DOCK10: variants seen among roughly 807,000 people sequenced by gnomAD.
The protein encoded by DOCK10 is dedicator of cytokinesis 10, also known as dedicator of cytokinesis protein 10.
DOCK10 carries 145 observed loss-of-function variants against 280.1 expected under a neutral mutation model. The observed-to-expected ratio is 0.52, with a 90% CI of 0.45 to 0.59. The LOEUF is 0.59. DOCK10 is among the 20% of genes least tolerant of loss of function. DOCK10 has a pLI of 0.00. For synonymous variants in DOCK10, 915 were observed against 942.2 expected (o/e 0.97, Z 0.53); for missense variants, 2,368 against 2,651.7 (o/e 0.89, Z 2.35).
intron 11 of DOCK10, among the ~76,000 whole-genome samples, chr2:224,872,441 C>T (rs1365168529): frequency 6.6e-6 from 1 of 152,178 alleles, no homozygotes. Flanking sequence ...GTTGGAGAGC[C>T]AGGCAATCTG....
chr2:224,886,481 T>C lies in DOCK10; in HGVS notation c.467A>G (p.His156Arg). ...KLPSHSFEID[H>R]EDADKDEDTT... The stretch of plus-strand genomic sequence containing the variant: ...TACTTCATCCTTATCAGCATCTTCA[T>C]GGTCAATCTCAAAGGAATGTGAAGG... Residue 156 changes from histidine to arginine, a missense_variant, in exon 5 of 56, where the codon CAT (histidine) becomes CGT (arginine). Coordinates refer to ENST00000258390, the MANE Select transcript of DOCK10 (RefSeq NM_014689.3). 4 of 1,611,308 alleles carry C rather than the reference T, an allele frequency of 2.5e-6. No homozygotes were observed. Among genetic ancestry groups the C allele is most frequent in the Non-Finnish European group, 3.4e-6 (4 of 1,179,206 alleles).
At chr2:224,984,128 ATC>A (rs1705892123) in intron 1 of DOCK10, among the ~76,000 whole-genome samples, 1 of 151,404 alleles carries the variant, frequency 6.6e-6, no homozygotes, top group African/African-American at 2.4e-5. Context: ...CCCAGGACAT[ATC>A]TCTCTCCAAT....
chr2:224,781,945 C>A (rs1173875354), intron 50 of DOCK10, among the ~76,000 whole-genome samples: 2 of 152,018 alleles, frequency 1.3e-5, no homozygotes, highest in African/African-American at 4.8e-5. Context: ...TTATTAGACT[C>A]ATTCAAAGTT....
chr2:225,024,814 C>T (rs1689876694), intron 1 of DOCK10, among the ~76,000 whole-genome samples: 1 of 151,816 alleles, frequency 6.6e-6, no homozygotes, highest in Non-Finnish European at 1.5e-5. Context: ...TTGCTTTAAC[C>T]AGGGAGGTGG....
intron 1 of DOCK10, among the ~76,000 whole-genome samples, chr2:224,949,021 C>A (rs758079716): frequency 5.9e-5 from 9 of 152,174 alleles, no homozygotes; most frequent in Non-Finnish European, 1.0e-4. Context: ...CTAATCATAG[C>A]TTCCTGAAAT....
chr2:224,824,398 AG>A, intron 27 of DOCK10, among the ~76,000 whole-genome samples: 1 of 141,384 alleles, frequency 7.1e-6, no homozygotes, highest in Non-Finnish European at 1.5e-5. Flanking sequence ...GGAACATTTG[AG>A]GCAGCCGAGT....
At chr2:225,033,156 C>T (rs1575176814) in intron 1 of DOCK10, among the ~76,000 whole-genome samples, 1 of 151,306 alleles carries the variant, frequency 6.6e-6, no homozygotes, top group Non-Finnish European at 1.5e-5. Context: ...TTAAGTTGCC[C>T]AAAATAAAGA....
At chr2:225,028,867 G>A (rs1257931356) in intron 1 of DOCK10, among the ~76,000 whole-genome samples, 1 of 152,166 alleles carries the variant, frequency 6.6e-6, no homozygotes, top group Non-Finnish European at 1.5e-5. Flanking sequence ...AGGTGTCACA[G>A]ACATCACATA....
intron 55 of DOCK10, chr2:224,768,908 CAG>C: frequency 2.2e-6 from 1 of 456,630 alleles, no homozygotes; most frequent in Non-Finnish European, 4.4e-6. Context: ...ATACTAGACA[CAG>C]AGGAACAGAA....
intron 44 of DOCK10, 148 bp from the exon 45 acceptor site, chr2:224,795,242 C>G (rs908071171): frequency 3.0e-6 from 2 of 666,264 alleles, no homozygotes; most frequent in East Asian, 5.4e-5. Context: ...TATGTGCATT[C>G]TATGTTTTGT....
At chr2:224,811,967 G>A (rs1693815246) in intron 31 of DOCK10, among the ~76,000 whole-genome samples, 1 of 152,106 alleles carries the variant, frequency 6.6e-6, no homozygotes, top group African/African-American at 2.4e-5. Flanking sequence ...TTGGCAATGT[G>A]GGCTCTTTTT....
At chr2:224,804,292 G>A (rs972447197) in intron 38 of DOCK10, 79 bp from the exon 39 acceptor site, 24 of 754,626 alleles carry the variant, frequency 3.2e-5, no homozygotes, top group Non-Finnish European at 4.8e-5. Flanking sequence ...CTGACAAAAC[G>A]ATTACTGCAC....
At chr2:224,974,938 G>C (rs938734650) in intron 1 of DOCK10, among the ~76,000 whole-genome samples, 3 of 143,538 alleles carry the variant, frequency 2.1e-5, no homozygotes, top group African/African-American at 7.5e-5. Context: ...CTTTGTTTTT[G>C]GTATAAGTTT....
At chr2:224,823,253 T>C (rs1694626037) in intron 28 of DOCK10, among the ~76,000 whole-genome samples, 1 of 152,162 alleles carries the variant, frequency 6.6e-6, no homozygotes, top group South Asian at 2.1e-4. Flanking sequence ...CCCAAAGTGC[T>C]GGGATTACAA....
At chr2:224,808,493 T>C (rs1693549321) in intron 31 of DOCK10, among the ~76,000 whole-genome samples, 2 of 151,770 alleles carry the variant, frequency 1.3e-5, no homozygotes, top group Admixed American at 6.6e-5. Context: ...ACAGAGGCAA[T>C]GGAGAAAGGA....
intron 3 of DOCK10, among the ~76,000 whole-genome samples, chr2:224,900,624 A>G (rs1700246758): frequency 6.6e-6 from 1 of 152,208 alleles, no homozygotes; most frequent in African/African-American, 2.4e-5. Flanking sequence ...CCTAGTTTTG[A>G]ATTTTGGTTC....
In DOCK10 at chr2:224,805,551, C is replaced by T. The variant is rs1482618735; in HGVS notation, c.3815-22G>A. ...AATGCTGTAAACACAAGCCACAGCA[C>T]ACGTATGGGAATGAGATGTATGGGC... is the stretch of plus-strand genomic sequence containing the variant. On this transcript the variant is annotated intron_variant, in intron 34 of 55. Transcript: ENST00000258390. The surrounding 1 kb of genome is among the most constrained non-coding windows in gnomAD (Gnocchi z 4.3). 6.2e-7 allele frequency: 1 copy of T among 1,610,966 alleles called. No homozygotes were observed. The highest frequency in any genetic ancestry group is 8.5e-7 in the Non-Finnish European group (1 of 1,178,320).
At chr2:224,900,608 G>T (rs943845657) in intron 3 of DOCK10, among the ~76,000 whole-genome samples, 11 of 152,220 alleles carry the variant, frequency 7.2e-5, no homozygotes, top group African/African-American at 2.7e-4. Context: ...TTTAGAATCA[G>T]ACAGACCTAG....
At chr2:224,774,821 C>T (rs138837580) in intron 52 of DOCK10, 84 bp downstream of exon 52, 50 of 1,288,190 alleles carry the variant, frequency 3.9e-5, no homozygotes, top group Non-Finnish European at 5.1e-5. Context: ...ACTGAAATAA[C>T]TCTTGATTCC....
Sources: allele counts gnomAD v4.1 joint callset (sites outside exome capture counted in the v4.1 genomes callset), GRCh38; gene constraint gnomAD v4.1.1; non-coding constraint Gnocchi (gnomAD v3.1); transcripts MANE v1.5; gene names NCBI Gene and HGNC (gene_info 2026-07-23, HGNC 2026-07-21).